Variants in POU2F2 observed in about 807,000 individuals in gnomAD.
POU2F2 encodes the protein POU class 2 homeobox 2.
A neutral mutation model predicts 63.5 loss-of-function variants in POU2F2; 14 were observed. The observed-to-expected ratio is 0.22, with a 90% CI of 0.15 to 0.34. The LOEUF is 0.34. Ranked by LOEUF, POU2F2 falls within the 10% of genes least tolerant of loss-of-function variation. The probability of loss-of-function intolerance (pLI) is 1.00; values close to 1 mark genes in which losing one functional copy is unlikely to be tolerated. For synonymous variants in POU2F2, 306 were observed against 348.6 expected (o/e 0.88, Z 1.36); for missense variants, 607 against 815.2 (o/e 0.74, Z 3.11).
intron 1 of POU2F2, among the ~76,000 whole-genome samples, chr19:42,130,396 A>C (rs1241576783): frequency 1.3e-5 from 2 of 152,212 alleles, no homozygotes; most frequent in South Asian, 4.1e-4. Context: ...ACAGGTGTGG[A>C]GTCTGAGACC....
chr19:42,175,346 G>T (rs1451140617), intron 1 of POU2F2, among the ~76,000 whole-genome samples: 2 of 152,194 alleles, frequency 1.3e-5, no homozygotes, highest in South Asian at 2.1e-4. Flanking sequence ...TTTGCATGGA[G>T]CCCCTTTCCC....
At chr19:42,102,709 A>C (rs1014801008) in intron 5 of POU2F2, among the ~76,000 whole-genome samples, 1 of 151,944 alleles carries the variant, frequency 6.6e-6, no homozygotes, top group African/African-American at 2.4e-5. Flanking sequence ...TCCTCCACCC[A>C]CCAAAAAAAG....
intron 3 of POU2F2, 37 bp downstream of exon 3, chr19:42,122,307 C>CA: frequency 6.4e-7 from 1 of 1,567,656 alleles, no homozygotes; most frequent in Non-Finnish European, 8.8e-7. Flanking sequence ...CTCCCCATTC[C>CA]TTCCCACCCC....
At chr19:42,113,825 C>T (rs570215041) in intron 5 of POU2F2, among the ~76,000 whole-genome samples, 7 of 152,080 alleles carry the variant, frequency 4.6e-5, no homozygotes, top group Non-Finnish European at 7.4e-5. Context: ...TCATGAGATG[C>T]GGCCCGGGAG....
intron 5 of POU2F2, among the ~76,000 whole-genome samples, chr19:42,108,824 T>C (rs78912295): frequency 0.012 from 1,901 of 152,286 alleles, 48 homozygotes; most frequent in African/African-American, 0.044. Context: ...TGGCATATTT[T>C]GTAGATCAGC....
chr19:42,168,631 T>C (rs1398055229), intron 1 of POU2F2, among the ~76,000 whole-genome samples: 1 of 152,194 alleles, frequency 6.6e-6, no homozygotes, highest in East Asian at 1.9e-4. Flanking sequence ...GCCCAGAATC[T>C]GGGCCCCAGG....
intron 1 of POU2F2, among the ~76,000 whole-genome samples, chr19:42,126,811 A>C (rs2033241119): frequency 1.3e-5 from 2 of 152,328 alleles, no homozygotes; most frequent in East Asian, 3.9e-4. Context: ...GGTCCCCAGC[A>C]TCACAAGCCC....
At chr19:42,138,754 G>C (rs1040397619) in intron 2 of POU2F2, among the ~76,000 whole-genome samples, 2 of 152,054 alleles carry the variant, frequency 1.3e-5, no homozygotes, top group Admixed American at 6.6e-5. Context: ...GGGTGGCTGG[G>C]TGGATGCGAG....
In POU2F2 at chr19:42,089,710, T is replaced by TTTTA. The variant is rs1555888544; in HGVS notation, c.*1546_*1547insTAAA. Reference sequence around the variant, plus strand: ...GAAGAGTCCTCATCTTCTTTCCCTTTTATATATATATATATATATATGTTT... The same window carrying TTTTA: ...GAAGAGTCCTCATCTTCTTTCCCTTTTTTATATATATATATATATATATATGTTT... On this transcript the variant is annotated 3_prime_UTR_variant, in exon 15 of 15. Transcript: ENST00000692977. The TTTTA allele has an allele frequency of 2.8e-5, 4 of 143,700 alleles. No individual in the cohort carries two copies. The highest frequency in any genetic ancestry group is 1.0e-4 in the African/African-American group (4 of 39,514). The allele number at this position is 143,700 out of a possible 1,614,324, so 8.9% of individuals were successfully genotyped here. A position where few individuals can be genotyped will look rare whatever the true frequency, so the allele number is the denominator to read the frequency against.
chr19:42,192,707 C>T (rs2035087136), intron 1 of POU2F2, among the ~76,000 whole-genome samples: 1 of 152,108 alleles, frequency 6.6e-6, no homozygotes, highest in Non-Finnish European at 1.5e-5. Context: ...CCTCCTACTC[C>T]TCATTCAAGA....
At chr19:42,181,672 T>C (rs2034962429) in intron 1 of POU2F2, among the ~76,000 whole-genome samples, 1 of 152,210 alleles carries the variant, frequency 6.6e-6, no homozygotes, top group Non-Finnish European at 1.5e-5. Context: ...CTGCAACCTC[T>C]GCCTCCCGGG....
chr19:42,095,912 G>A lies in POU2F2; in HGVS notation c.747C>T (p.Ala249=). Residue 249 remains alanine (A), a synonymous_variant, in exon 9 of 15, where the codon GCC becomes GCT. Transcript: ENST00000692977. The surrounding 1 kb of genome is among the most constrained non-coding windows in gnomAD (Gnocchi z 7.1). The part of the protein sequence containing the change: ...LGFTQGDVGL[A]MGKLYGNDFS... ...AGTCGTTGCCGTAGAGCTTGCCCAT[G>A]GCCAGGCCCACATCACCCTGGGCCA... The A allele has an allele frequency of 1.2e-6, 2 of 1,613,768 alleles. No homozygotes were observed. The highest frequency in any genetic ancestry group is 1.3e-5 in the African/African-American group (1 of 75,036).
At chr19:42,176,192 C>G (rs912547825), upstream of POU2F2, among the ~76,000 whole-genome samples, 23 of 152,264 alleles carry the variant, frequency 1.5e-4, no homozygotes, top group Non-Finnish European at 2.5e-4. Context: ...TCCCGCCCAG[C>G]CCGGGGAGCC....
At chr19:42,191,866 C>A (rs549105868) in intron 1 of POU2F2, among the ~76,000 whole-genome samples, 1 of 152,060 alleles carries the variant, frequency 6.6e-6, no homozygotes. Flanking sequence ...GTTAGAATTC[C>A]GACTCTGCCA....
At chr19:42,167,102 C>T (rs1190664081) in intron 1 of POU2F2, among the ~76,000 whole-genome samples, 2 of 152,106 alleles carry the variant, frequency 1.3e-5, no homozygotes, top group African/African-American at 4.8e-5. Context: ...ATATGATACA[C>T]AAGAAAATAT....
In POU2F2 at chr19:42,092,858, C is replaced by T. The variant is rs2076772561; in HGVS notation, c.1265-588G>A. ...AGTTTAGAAAGAGTTTAGTACAGTG[C>T]CAGGCAAGCACTTACTACTTTATAA... On this transcript the variant is annotated intron_variant, in intron 12 of 14. Transcript: ENST00000692977. The surrounding 1 kb of genome is among the most constrained non-coding windows in gnomAD (Gnocchi z 5.0). Among the ~76,000 whole-genome samples the T allele has an allele frequency of 6.6e-6, 1 of 151,382 alleles. No individual in the cohort carries two copies. Among genetic ancestry groups the T allele is most frequent in the Non-Finnish European group, 1.5e-5 (1 of 67,868 alleles).
At chr19:42,116,515 T>C (rs898010275) in intron 5 of POU2F2, among the ~76,000 whole-genome samples, 2 of 152,264 alleles carry the variant, frequency 1.3e-5, no homozygotes, top group Admixed American at 1.3e-4. Flanking sequence ...TATTCCTCCC[T>C]GTGAGCCTCA....
chr19:42,177,248 TACCCCCGCTCCC>T (rs2034903292), upstream of POU2F2: 1 of 155,182 alleles, frequency 6.4e-6, no homozygotes, highest in African/African-American at 2.4e-5. Context: ...CCGCCAACGC[TACCCCCGCTCCC>T]GCTCCCGCTC....
Position 42,093,937 on chromosome 19 carries a change from C to T in POU2F2, c.1198-42G>A, listed in dbSNP as rs376283623. ...GGAGGTGTGGTTAGCCACTGTCTGC[C>T]AGCAGCCCCCGTGATGCTCCCTGTA... On this transcript the variant is annotated intron_variant, in intron 11 of 14. Coordinates refer to ENST00000692977, the MANE Select transcript of POU2F2 (RefSeq NM_001394376.1). The T allele has an allele frequency of 3.8e-6, 6 of 1,563,676 alleles. No individual in the cohort carries two copies. The African/African-American group carries it at 8.1e-5, about 21-fold the overall frequency.
Sources: allele counts gnomAD v4.1 joint callset (sites outside exome capture counted in the v4.1 genomes callset), GRCh38; gene constraint gnomAD v4.1.1; non-coding constraint Gnocchi (gnomAD v3.1); transcripts MANE v1.5; gene names NCBI Gene and HGNC (gene_info 2026-07-23, HGNC 2026-07-21).